PPFIA2: variants seen among roughly 807,000 people sequenced by gnomAD.
PPFIA2 encodes liprin-alpha-2.
Under a neutral mutation model 175.5 loss-of-function variants are expected in PPFIA2, and 46 were observed. That is an observed-to-expected ratio of 0.26 (90% CI 0.21 to 0.34). The LOEUF is 0.34. PPFIA2 is among the 10% of genes least tolerant of loss of function. PPFIA2 has a pLI of 1.00. For synonymous variants in PPFIA2, 568 were observed against 511.4 expected, an observed-to-expected ratio of 1.11 and a Z score of -1.49; for missense variants, 1,179 against 1,506.1, an observed-to-expected ratio of 0.78 and a Z score of 3.60.
intron 4 of PPFIA2, chr12:81,506,079 A>G (rs1268114327): frequency 6.6e-6 from 1 of 152,218 alleles, no homozygotes; most frequent in Non-Finnish European, 1.5e-5. Context: ...TAAGTCATTT[A>G]GCAGCTGCTG....
intron 21 of PPFIA2, among the ~76,000 whole-genome samples, chr12:81,329,407 G>A (rs7299871): frequency 0.025 from 3,842 of 152,220 alleles, 174 homozygotes; most frequent in African/African-American, 0.089. Flanking sequence ...TTACTTTTGT[G>A]AGGCCTTCGA....
chr12:81,625,279 A>G (rs2062567822), intron 4 of PPFIA2, among the ~76,000 whole-genome samples: 1 of 151,744 alleles, frequency 6.6e-6, no homozygotes, highest in Non-Finnish European at 1.5e-5. Flanking sequence ...GTACTTACAC[A>G]CTTTAAATGG....
chr12:81,750,997 T>A (rs2464759), intron 3 of PPFIA2, among the ~76,000 whole-genome samples: 16,487 of 152,180 alleles, frequency 0.11, 1,181 homozygotes, highest in Non-Finnish European at 0.15. Flanking sequence ...TCAAGTGCAA[T>A]GCCACCAAAC....
intron 22 of PPFIA2, among the ~76,000 whole-genome samples, chr12:81,306,537 CGTT>C (rs1467370124): frequency 6.1e-5 from 8 of 130,398 alleles, no homozygotes; most frequent in Admixed American, 3.2e-4. Flanking sequence ...TTGTTTGTTT[CGTT>C]GTTTTTTTTT....
chr12:81,352,769 A>G (rs1240291070), intron 17 of PPFIA2, among the ~76,000 whole-genome samples: 1 of 152,182 alleles, frequency 6.6e-6, no homozygotes, highest in Non-Finnish European at 1.5e-5. Context: ...ATTACCACAC[A>G]CACTTTCCCT....
chr12:81,333,055 A>G (rs1473683176), intron 21 of PPFIA2, among the ~76,000 whole-genome samples: 2 of 152,194 alleles, frequency 1.3e-5, no homozygotes, highest in Non-Finnish European at 2.9e-5. Flanking sequence ...GTTGAAGTAG[A>G]TCTTAAAGAT....
intron 4 of PPFIA2, among the ~76,000 whole-genome samples, chr12:81,510,478 G>A (rs1357993220): frequency 1.3e-5 from 2 of 152,072 alleles, no homozygotes; most frequent in African/African-American, 2.4e-5. Flanking sequence ...TATCTAGAAT[G>A]TATTAATTAC....
intron 4 of PPFIA2, among the ~76,000 whole-genome samples, chr12:81,517,229 G>T (rs938976497): frequency 6.6e-6 from 1 of 151,550 alleles, no homozygotes; most frequent in African/African-American, 2.4e-5. Context: ...ATCACTGGTA[G>T]GGATGATTAA....
chr12:81,693,006 A>T (rs2075438639), intron 3 of PPFIA2, among the ~76,000 whole-genome samples: 1 of 152,110 alleles, frequency 6.6e-6, no homozygotes, highest in Admixed American at 6.5e-5. Flanking sequence ...TGAATATATC[A>T]TCACAGTAGA....
intron 18 of PPFIA2, among the ~76,000 whole-genome samples, chr12:81,345,742 A>T (rs2058959354): frequency 6.6e-6 from 1 of 152,212 alleles, no homozygotes. Flanking sequence ...TTGCTCATTA[A>T]TACTATGTAG....
At chr12:81,577,230 G>C (rs939938564) in intron 4 of PPFIA2, among the ~76,000 whole-genome samples, 1 of 151,740 alleles carries the variant, frequency 6.6e-6, no homozygotes, top group Admixed American at 6.6e-5. Context: ...TCTGCTTAGA[G>C]GAAAACCAGA....
intron 16 of PPFIA2, among the ~76,000 whole-genome samples, chr12:81,357,370 A>G (rs2061008224): frequency 6.6e-6 from 1 of 152,186 alleles, no homozygotes; most frequent in African/African-American, 2.4e-5. Context: ...AATATGGACA[A>G]ATGGATTATA....
At chr12:81,741,438 A>G (rs1335617555) in intron 3 of PPFIA2, among the ~76,000 whole-genome samples, 2 of 152,156 alleles carry the variant, frequency 1.3e-5, no homozygotes, top group African/African-American at 4.8e-5. Context: ...TCATTTATTT[A>G]GTATTTTTTT....
At chr12:81,575,475 G>A (rs887356493) in intron 4 of PPFIA2, among the ~76,000 whole-genome samples, 2 of 151,786 alleles carry the variant, frequency 1.3e-5, no homozygotes, top group African/African-American at 4.8e-5. Flanking sequence ...TATTGGCAAT[G>A]TGATCACACC....
intron 18 of PPFIA2, among the ~76,000 whole-genome samples, chr12:81,347,169 C>G (rs1475543345): frequency 1.3e-5 from 2 of 151,574 alleles, no homozygotes; most frequent in African/African-American, 4.9e-5. Context: ...TTAGGCTAGT[C>G]TTGAAATCCT....
intron 7 of PPFIA2, among the ~76,000 whole-genome samples, chr12:81,423,339 C>T (rs1347599673): frequency 1.3e-5 from 2 of 151,946 alleles, no homozygotes; most frequent in African/African-American, 4.8e-5. Flanking sequence ...AACAAACATG[C>T]AAAAATCCTC....
chr12:81,428,211 G>A (rs2047482649), intron 7 of PPFIA2, among the ~76,000 whole-genome samples: 1 of 151,796 alleles, frequency 6.6e-6, no homozygotes, highest in South Asian at 2.1e-4. Context: ...ATAGAACTAT[G>A]TCTGCTACCA....
intron 22 of PPFIA2, among the ~76,000 whole-genome samples, chr12:81,303,208 C>G (rs1232364032): frequency 6.6e-6 from 1 of 152,016 alleles, no homozygotes; most frequent in Non-Finnish European, 1.5e-5. Flanking sequence ...GATCACTTAC[C>G]CCAGTACAAA....
chr12:81,313,093 A>T (rs1390901948), intron 22 of PPFIA2, among the ~76,000 whole-genome samples: 1 of 152,200 alleles, frequency 6.6e-6, no homozygotes, highest in Admixed American at 6.5e-5. Flanking sequence ...CTAAAACGAC[A>T]TTGATACACA....
Sources: allele counts gnomAD v4.1 joint callset (sites outside exome capture counted in the v4.1 genomes callset), GRCh38; gene constraint gnomAD v4.1.1; transcripts MANE v1.5; gene names NCBI Gene and HGNC (gene_info 2026-07-23, HGNC 2026-07-21).